The following KEAP1 variants were observed in gnomAD, a reference collection of about 807,000 sequenced individuals.
The protein encoded by KEAP1 is kelch-like ECH-associated protein 1.
In KEAP1, 26 loss-of-function variants were observed where a neutral mutation model predicts 59.7. The observed-to-expected ratio is 0.44, with a 90% CI of 0.32 to 0.60. The LOEUF (loss-of-function observed/expected upper bound fraction) is 0.60, where lower values mean the gene tolerates loss of function less well. Among genes scored for constraint, KEAP1 ranks in the 20% least tolerant of loss-of-function variants. The pLI, the probability that KEAP1 is intolerant of heterozygous loss-of-function variation, is 0.06. For synonymous variants in KEAP1, 350 were observed against 358.3 expected (o/e 0.98, Z 0.26); for missense variants, 539 against 871.4 (o/e 0.62, Z 4.80).
intron 1 of KEAP1, among the ~76,000 whole-genome samples, chr19:10,500,422 G>A (rs1276376603): frequency 6.6e-6 from 1 of 152,032 alleles, no homozygotes; most frequent in African/African-American, 2.4e-5. Flanking sequence ...GCAATCTGGC[G>A]GCCTTTCCCT....
intron 3 of KEAP1, among the ~76,000 whole-genome samples, chr19:10,490,142 C>T (rs74179931): frequency 0.24 from 36,099 of 151,442 alleles, 5,498 homozygotes; most frequent in Admixed American, 0.39. Flanking sequence ...ATCCCAGCTA[C>T]TCGGGAGGCT....
chr19:10,489,795 CG>C lies in KEAP1; in HGVS notation c.1383del (p.Ile461MetfsTer39). ...CGATTGAGGACAGCCACGCCCACCC[CG>C]ATCCTTCGTGTCAGCATTGGGGCCA... ...HLVAPMLTRR[I>X]GVGVAVLNRL... is the part of the protein sequence containing the mutation. On this transcript the variant is annotated frameshift_variant, in exon 4 of 6. Transcript: ENST00000171111. LOFTEE classifies it high-confidence loss of function. 1.2e-6 allele frequency: 2 copies of C among 1,614,100 alleles called. No individual in the cohort carries two copies. Among genetic ancestry groups the C allele is most frequent in the Non-Finnish European group, 8.5e-7 (1 of 1,180,022 alleles).
intron 5 of KEAP1, 45 bp from the exon 6 acceptor site, chr19:10,486,863 T>A (rs562076982): frequency 3.8e-6 from 6 of 1,580,436 alleles, no homozygotes; most frequent in Non-Finnish European, 5.2e-6. Context: ...TCACACCACA[T>A]CCAAGAGCAG....
At chr19:10,493,026 T>C (rs1914727183) in intron 2 of KEAP1, among the ~76,000 whole-genome samples, 1 of 151,390 alleles carries the variant, frequency 6.6e-6, no homozygotes, top group South Asian at 2.1e-4. Context: ...TATGGATTCT[T>C]ACTCTGTTGC....
At chr19:10,498,998 C>A (rs1389204782) in intron 2 of KEAP1, among the ~76,000 whole-genome samples, 3 of 152,066 alleles carry the variant, frequency 2.0e-5, no homozygotes, top group African/African-American at 7.2e-5. Flanking sequence ...CCAGGCCTGG[C>A]TAATTTTTAT....
At position 10,491,826 on chromosome 19, in the gene KEAP1, T is replaced by C. The variant is rs2144599540; in HGVS notation, c.1076A>G (p.Gln359Arg). Residue 359 changes from glutamine to arginine, a missense_variant, in exon 3 of 6, where the codon CAG becomes CGG. Physicochemically the swap from Gln to Arg is conservative, Grantham distance 43. This residue lies in a region of KEAP1 where 311 missense variants were observed against 425.2 expected (regional missense o/e 0.73). Transcript: ENST00000171111. This position sits in a 1 kb window ranked among gnomAD's most constrained non-coding sequence, Gnocchi z 5.2. ...DGTWLRLADL[Q>R]VPRSGLAGCV... is the part of the protein sequence containing the mutation. ...GCCGGCCAGGCCGCTCCGCGGCACC[T>C]GCAGGTCCGCCAACCGGAGCCAGGT... 1 of 1,604,452 alleles carries C rather than the reference T, an allele frequency of 6.2e-7. No individual in the cohort carries two copies.
rs1599490662 is a variant in KEAP1, at chr19:10,499,464, G to A, written c.570C>T (p.Phe190=). ...ACTCCACACAGCCAATCTGCTCAGC[G>A]AAGTTGGCGATGCCGATGGCATTGC... The part of the protein sequence containing the change: ...DPSNAIGIAN[F]AEQIGCVELH... Residue 190 remains phenylalanine (F), a synonymous_variant, in exon 2 of 6, where the codon TTC becomes TTT. Transcript: ENST00000171111. This position sits in a 1 kb window ranked among gnomAD's most constrained non-coding sequence, Gnocchi z 6.7. 5.6e-6 allele frequency: 9 copies of A among 1,614,132 alleles called. No individual in the cohort carries two copies. Among genetic ancestry groups the A allele is most frequent in the Non-Finnish European group, 5.9e-6 (7 of 1,180,034 alleles).
intron 5 of KEAP1, among the ~76,000 whole-genome samples, chr19:10,488,082 C>T (rs1262592949): frequency 4.0e-5 from 6 of 151,602 alleles, no homozygotes; most frequent in Admixed American, 2.6e-4. Context: ...GAGCCGAGAT[C>T]GAGCCATTGC....
At chr19:10,496,507 A>C (rs1360628001) in intron 2 of KEAP1, among the ~76,000 whole-genome samples, 1 of 128,034 alleles carries the variant, frequency 7.8e-6, no homozygotes, top group Non-Finnish European at 1.8e-5. Flanking sequence ...ACCCCCAAAA[A>C]AAAAAAAAAG....
chr19:10,489,520 T>A (rs1914595326), intron 4 of KEAP1, 128 bp downstream of exon 4: 8 of 1,267,742 alleles, frequency 6.3e-6, no homozygotes, highest in Middle Eastern at 2.4e-4. Context: ...TCTATCAGAA[T>A]CCAGGGCTTC....
intron 5 of KEAP1, among the ~76,000 whole-genome samples, chr19:10,487,210 G>C (rs1914494037): frequency 6.6e-6 from 1 of 152,026 alleles, no homozygotes. Context: ...GCCAGGCTTG[G>C]TGGTGCGCGC....
rs926944392 is a variant in KEAP1 at position 10,502,184 on chromosome 19, G to T, written c.-48+1057C>A. Among the ~76,000 whole-genome samples the T allele has an allele frequency of 6.6e-6, 1 of 152,118 alleles. No individual in the cohort carries two copies. The highest frequency in any genetic ancestry group is 1.5e-5 in the Non-Finnish European group (1 of 68,010). On this transcript the variant is annotated intron_variant, in intron 1 of 5. Transcript: ENST00000171111. This position sits in a 1 kb window ranked among gnomAD's most constrained non-coding sequence, Gnocchi z 4.0. ...GCCCTGCCACCGTGCCTGCCAGAGC[G>T]GCCTCCTCCACCCTCCCTGGGTGCC... is the stretch of plus-strand genomic sequence containing the variant.
chr19:10,494,577 T>A (rs1348487804), intron 2 of KEAP1, among the ~76,000 whole-genome samples: 2 of 150,398 alleles, frequency 1.3e-5, no homozygotes, highest in Admixed American at 1.3e-4. Context: ...CCTCAGGTGA[T>A]CTGCCTGCCT....
chr19:10,490,367 T>C (rs1599482970), intron 3 of KEAP1: 1 of 124,352 alleles, frequency 8.0e-6, no homozygotes, highest in African/African-American at 3.2e-5. Flanking sequence ...TGAGATGGAG[T>C]GCAATGGTGA....
intron 2 of KEAP1, 88 bp from the exon 3 acceptor site, chr19:10,492,350 C>T (rs979231619): frequency 9.7e-6 from 9 of 924,434 alleles, no homozygotes; most frequent in East Asian, 2.5e-5. Flanking sequence ...TTATCACTGC[C>T]GCTGACAGTC....
At position 10,502,515 on chromosome 19, in the gene KEAP1, A is replaced by G. The variant is rs10412246; in HGVS notation, c.-48+726T>C. The G allele has an allele frequency of 0.11, 17,506 of 152,298 alleles. 1,185 individuals carry two copies. Among genetic ancestry groups the G allele is most frequent in the African/African-American group, 0.18 (7,381 of 41,502 alleles). The allele number at this position is 152,298 out of a possible 1,614,324, so 9.4% of individuals were successfully genotyped here. On this transcript the variant is annotated intron_variant, in intron 1 of 5. Transcript: ENST00000171111. The surrounding 1 kb of genome is among the most constrained non-coding windows in gnomAD (Gnocchi z 4.0). ...GTTTCCGCCGCTCCCGGGCCACCCCAAGAGTTGCGCCGTCCAACAAAAATA... is the reference window on the plus strand; with the variant it reads ...GTTTCCGCCGCTCCCGGGCCACCCCGAGAGTTGCGCCGTCCAACAAAAATA...
chr19:10,486,344 A>G lies in KEAP1; in HGVS notation c.*308T>C, dbSNP rs1914461155. 6.6e-6 allele frequency: 2 copies of G among 305,252 alleles called. No individual in the cohort carries two copies. The highest frequency in any genetic ancestry group is 6.1e-6 in the Non-Finnish European group (1 of 163,920). 18.9% of individuals were successfully genotyped at this position (305,252 alleles called of 1,614,324 possible). On this transcript the variant is annotated 3_prime_UTR_variant, in exon 6 of 6. Transcript: ENST00000171111. ...AAATCACATGGTGACAGCTGCCGGC[A>G]TGGGTGAGTGGGACCCAGGCCTATT...
At chr19:10,488,290 AAAAAT>A (rs909633521) in intron 5 of KEAP1, among the ~76,000 whole-genome samples, 2 of 151,976 alleles carry the variant, frequency 1.3e-5, no homozygotes, top group African/African-American at 4.8e-5. Flanking sequence ...TCTGTCTCAA[AAAAAT>A]AAAATAAAAT....
At position 10,493,405 on chromosome 19, in the gene KEAP1, A is replaced by G. The variant is rs200393992; in HGVS notation, c.640-1143T>C. Among the ~76,000 whole-genome samples the G allele has an allele frequency of 2.8e-3, 417 of 150,780 alleles. 6 individuals carry two copies. The highest frequency in any genetic ancestry group is 0.027 in the East Asian group (138 of 5,078). The stretch of plus-strand genomic sequence containing the variant: ...TCTCGATCTCCTGACCTTGTGATCC[A>G]CCCGCCTTAGCCTCCCAAAGTGCTG... On this transcript the variant is annotated intron_variant, in intron 2 of 5. Coordinates refer to ENST00000171111, the MANE Select transcript of KEAP1 (RefSeq NM_203500.2).
Sources: allele counts gnomAD v4.1 joint callset (sites outside exome capture counted in the v4.1 genomes callset), GRCh38; gene constraint gnomAD v4.1.1; regional missense constraint gnomAD v4.1.1; non-coding constraint Gnocchi (gnomAD v3.1); transcripts MANE v1.5; gene names NCBI Gene and HGNC (gene_info 2026-07-23, HGNC 2026-07-21).